Variants in SAMD5 observed in about 807,000 individuals in gnomAD.
SAMD5 encodes sterile alpha motif domain containing 5.
A neutral mutation model predicts 11.3 loss-of-function variants in SAMD5; 13 were observed. The ratio of observed to expected loss-of-function variants is 1.15; its 90% CI spans 0.75 to 1.83. The LOEUF (loss-of-function observed/expected upper bound fraction) is 1.83. Ranked by LOEUF, SAMD5 falls within the 40% of genes most tolerant of loss-of-function variation. The pLI, the probability that SAMD5 is intolerant of heterozygous loss-of-function variation, is 0.00. For synonymous variants in SAMD5, 129 were observed against 111.3 expected (o/e 1.16, Z -1.00); for missense variants, 255 against 239.1 (o/e 1.07, Z -0.44).
chr6:147,641,393 A>G (rs1457231752), intron 1 of SAMD5, among the ~76,000 whole-genome samples: 1 of 152,134 alleles, frequency 6.6e-6, no homozygotes, highest in Admixed American at 6.6e-5. Context: ...AATATATGTG[A>G]TGGAGCAATT....
chr6:147,829,018 C>G, the SAMD5 span, among the ~76,000 whole-genome samples: 1 of 152,178 alleles, frequency 6.6e-6, no homozygotes, highest in Admixed American at 6.5e-5. Context: ...AAGTCTAAAA[C>G]CAACAAGGAA....
At chr6:147,644,002 G>A (rs1485097363) in intron 1 of SAMD5, among the ~76,000 whole-genome samples, 1 of 151,694 alleles carries the variant, frequency 6.6e-6, no homozygotes, top group Non-Finnish European at 1.5e-5. Flanking sequence ...ATAATGACAA[G>A]TAGGAAAATT....
the SAMD5 span, among the ~76,000 whole-genome samples, chr6:147,756,440 A>T: frequency 6.6e-6 from 1 of 152,152 alleles, no homozygotes; most frequent in African/African-American, 2.4e-5. Context: ...GTTACAGGAA[A>T]TTTTAAAAAC....
At position 147,566,214 on chromosome 6, in the gene SAMD5, C is replaced by A. The variant is rs139554961; in HGVS notation, c.*1758C>A. On this transcript the variant is annotated 3_prime_UTR_variant, in exon 2 of 2. Transcript: ENST00000367474. ...ATGTAAGGAAGTTAAATTTTAAAAG[C>A]ATGTATAGGTTGTCCTTAAATTATA... 834 of 975,888 alleles carry A rather than the reference C, an allele frequency of 8.5e-4. 17 individuals are homozygous for A. In the South Asian group the frequency reaches 0.033, roughly 38 times the overall value. 60.5% of individuals were successfully genotyped at this position (975,888 alleles called of 1,614,324 possible).
chr6:147,634,425 A>G (rs1562338999), intron 1 of SAMD5, among the ~76,000 whole-genome samples: 1 of 152,166 alleles, frequency 6.6e-6, no homozygotes, highest in Admixed American at 6.5e-5. Context: ...TGACCCCATG[A>G]TCCAATTATC....
intron 1 of SAMD5, among the ~76,000 whole-genome samples, chr6:147,641,381 A>G (rs1790309921): frequency 6.6e-6 from 1 of 152,100 alleles, no homozygotes; most frequent in Non-Finnish European, 1.5e-5. Context: ...GACCCTCATC[A>G]CAATATATGT....
At chr6:147,795,400 A>C in the SAMD5 span, among the ~76,000 whole-genome samples, 1 of 139,590 alleles carries the variant, frequency 7.2e-6, no homozygotes, top group African/African-American at 2.9e-5. Flanking sequence ...TGAACTCATC[A>C]TTTTTTATGG....
the SAMD5 span, among the ~76,000 whole-genome samples, chr6:147,921,679 T>C: frequency 2.0e-5 from 3 of 152,266 alleles, 1 homozygote; most frequent in African/African-American, 7.2e-5. Context: ...GAGGTGGTAG[T>C]GTTGGATCGA....
the SAMD5 span, among the ~76,000 whole-genome samples, chr6:147,836,886 G>C: frequency 6.6e-6 from 1 of 152,092 alleles, no homozygotes; most frequent in African/African-American, 2.4e-5. Flanking sequence ...TAAAAATGAA[G>C]TTTATATAAA....
At chr6:147,623,542 T>C (rs765480479) in intron 1 of SAMD5, among the ~76,000 whole-genome samples, 1 of 152,220 alleles carries the variant, frequency 6.6e-6, no homozygotes, top group East Asian at 1.9e-4. Flanking sequence ...TAATCTGATA[T>C]TATCTTTGCC....
At chr6:147,756,106 C>A in the SAMD5 span, among the ~76,000 whole-genome samples, 1 of 151,972 alleles carries the variant, frequency 6.6e-6, no homozygotes, top group Non-Finnish European at 1.5e-5. Flanking sequence ...GTGAGATCTA[C>A]AATCAGAAAG....
chr6:147,741,237 A>G (rs919850033), downstream of SAMD5, among the ~76,000 whole-genome samples: 2 of 152,030 alleles, frequency 1.3e-5, no homozygotes, highest in Non-Finnish European at 2.9e-5. Context: ...CAGAGGAAAC[A>G]TTTTTCTTTG....
intron 1 of SAMD5, among the ~76,000 whole-genome samples, chr6:147,696,390 G>A (rs1791176987): frequency 6.6e-6 from 1 of 152,204 alleles, no homozygotes; most frequent in Admixed American, 6.5e-5. Flanking sequence ...GAGAATGACA[G>A]TATTTGTTCT....
the SAMD5 span, among the ~76,000 whole-genome samples, chr6:147,871,881 A>G: frequency 3.9e-5 from 6 of 152,316 alleles, no homozygotes; most frequent in Admixed American, 3.3e-4. Flanking sequence ...AGTTGTTTCT[A>G]ATATAGCGAA....
rs543234414 is a variant in SAMD5, at chr6:147,577,938, A to C, written c.162+68551A>C. Among the ~76,000 whole-genome samples the C allele has an allele frequency of 3.3e-5, 5 of 152,346 alleles. No individual in the cohort carries two copies. The South Asian group carries it at 1.0e-3, about 32-fold the overall frequency. On this transcript the variant is annotated intron_variant, in intron 1 of 1. Transcript: ENST00000566741. ...ATAATTGGAAAAGAATAAACCAATG[A>C]AAGCTATATTCTAGAATCAGGTACA...
At chr6:147,727,284 A>C (rs1791642520) in intron 1 of SAMD5, among the ~76,000 whole-genome samples, 1 of 152,128 alleles carries the variant, frequency 6.6e-6, no homozygotes, top group Admixed American at 6.5e-5. Flanking sequence ...ACTCCTATGC[A>C]TTCCTCAAAG....
chr6:147,754,386 T>C, the SAMD5 span, among the ~76,000 whole-genome samples: 3 of 151,540 alleles, frequency 2.0e-5, no homozygotes, highest in Non-Finnish European at 2.9e-5. Flanking sequence ...CTCAAATCTT[T>C]TACCCATTTT....
intron 1 of SAMD5, among the ~76,000 whole-genome samples, chr6:147,665,124 G>A (rs1344300155): frequency 2.0e-5 from 3 of 152,154 alleles, no homozygotes; most frequent in Admixed American, 1.3e-4. Context: ...ATTTTCTACT[G>A]TATTGCCTTT....
the SAMD5 span, among the ~76,000 whole-genome samples, chr6:147,880,742 C>T: frequency 6.6e-6 from 1 of 152,096 alleles, no homozygotes; most frequent in Non-Finnish European, 1.5e-5. Context: ...TCCTCCTTGT[C>T]GTTCAGCCTT....
Sources: gnomAD v4.1 joint callset for allele counts (sites outside exome capture counted in the v4.1 genomes callset) on GRCh38, gnomAD v4.1.1 for gene constraint, MANE v1.5 for transcripts, NCBI Gene and HGNC (gene_info 2026-07-23, HGNC 2026-07-21) for gene names.